The following BRINP2 variants were observed in gnomAD, a reference collection of about 807,000 sequenced individuals.
The protein encoded by BRINP2 is BMP/retinoic acid-inducible neural-specific protein 2.
In BRINP2, 21 loss-of-function variants were observed where a neutral mutation model predicts 69.2. That is an observed-to-expected ratio of 0.30 (90% confidence interval 0.22 to 0.44). The LOEUF is 0.44. BRINP2 is among the 20% of genes least tolerant of loss of function. The pLI is 1.00. For synonymous variants in BRINP2, 380 were observed against 394.1 expected (o/e 0.96, Z 0.42); for missense variants, 877 against 986.0 (o/e 0.89, Z 1.48).
At chr1:177,227,067 A>G (rs1270984564) in intron 1 of BRINP2, among the ~76,000 whole-genome samples, 1 of 152,202 alleles carries the variant, frequency 6.6e-6, no homozygotes, top group Non-Finnish European at 1.5e-5. Context: ...CTCTGCAGTC[A>G]TTGAATCGTA....
Position 177,176,512 on chromosome 1 carries a change from CATTATTATTATTATT to C in BRINP2, c.-77+4808_-77+4822del, listed in dbSNP as rs3041971. 3.8e-3 allele frequency among the ~76,000 whole-genome samples: 550 copies of C among 143,136 alleles called. 6 individuals carry two copies. The highest frequency in any genetic ancestry group is 0.011 in the African/African-American group (440 of 39,590). The allele number at this position is 143,136 out of a possible 152,430, so 93.9% of individuals were successfully genotyped here. On this transcript the variant is annotated intron_variant, in intron 1 of 7. Coordinates refer to ENST00000361539, the MANE Select transcript of BRINP2 (RefSeq NM_021165.4). ...AAGTTAAAATTATGTAAGTGGCTGGCATTATTATTATTATTATTATTATTATTATTATTATTATTA... is the reference window on the plus strand; with the variant it reads ...AAGTTAAAATTATGTAAGTGGCTGGCATTATTATTATTATTATTATTATTA...
intron 2 of BRINP2, among the ~76,000 whole-genome samples, chr1:177,254,024 C>A (rs1043744092): frequency 2.0e-5 from 3 of 151,954 alleles, no homozygotes; most frequent in Non-Finnish European, 4.4e-5. Flanking sequence ...ATTTGGGGGA[C>A]AATGGAAAAC....
At chr1:177,235,449 G>A (rs1342517545) in intron 2 of BRINP2, among the ~76,000 whole-genome samples, 1 of 152,166 alleles carries the variant, frequency 6.6e-6, no homozygotes, top group African/African-American at 2.4e-5. Context: ...CAAGACATAT[G>A]AACTCATAAG....
intron 6 of BRINP2, among the ~76,000 whole-genome samples, chr1:177,276,922 C>A (rs965335982): frequency 6.6e-6 from 1 of 151,254 alleles, no homozygotes; most frequent in African/African-American, 2.5e-5. Context: ...GTTTGACAAG[C>A]TTTATGACCT....
At chr1:177,207,202 T>G (rs1280618812) in intron 1 of BRINP2, among the ~76,000 whole-genome samples, 1 of 152,208 alleles carries the variant, frequency 6.6e-6, no homozygotes, top group Non-Finnish European at 1.5e-5. Context: ...GATTTACTAA[T>G]GGCCTTTGTA....
chr1:177,197,363 G>A (rs902083932), intron 1 of BRINP2, among the ~76,000 whole-genome samples: 3 of 152,140 alleles, frequency 2.0e-5, no homozygotes, highest in Admixed American at 6.5e-5. Context: ...CATTGATGAA[G>A]GAGCCGCCTG....
intron 1 of BRINP2, among the ~76,000 whole-genome samples, chr1:177,194,209 TG>T (rs1400187276): frequency 1.3e-5 from 2 of 152,208 alleles, no homozygotes; most frequent in African/African-American, 2.4e-5. Context: ...GGAGGCTTTT[TG>T]TTTTCTGTTT....
intron 7 of BRINP2, 29 bp from the exon 8 acceptor site, chr1:177,280,383 C>G (rs759929937): frequency 1.9e-5 from 30 of 1,558,140 alleles, no homozygotes; most frequent in Admixed American, 1.5e-4. Flanking sequence ...TCTTTTGACT[C>G]TTACTTCATT....
At chr1:177,214,789 A>G (rs1292568364) in intron 1 of BRINP2, among the ~76,000 whole-genome samples, 5 of 152,216 alleles carry the variant, frequency 3.3e-5, no homozygotes, top group Non-Finnish European at 7.3e-5. Context: ...TATTGACAAA[A>G]TATAGCTGTA....
At chr1:177,208,903 C>T (rs553596533) in intron 1 of BRINP2, among the ~76,000 whole-genome samples, 2 of 152,168 alleles carry the variant, frequency 1.3e-5, no homozygotes, top group Admixed American at 6.5e-5. Flanking sequence ...CAGAAATGTA[C>T]GTGATCAGGC....
intron 1 of BRINP2, among the ~76,000 whole-genome samples, chr1:177,202,835 T>C (rs1648956590): frequency 6.6e-6 from 1 of 152,200 alleles, no homozygotes; most frequent in East Asian, 1.9e-4. Context: ...CAACAGGTGC[T>C]GGAGAGGATG....
rs1008828342 is a variant in BRINP2, at chr1:177,200,346, A to G, written c.-77+28614A>G. Among the ~76,000 whole-genome samples the G allele has an allele frequency of 1.5e-4, 22 of 149,084 alleles. 1 individual carries two copies. On this transcript the variant is annotated intron_variant, in intron 1 of 7. Coordinates refer to ENST00000361539, the MANE Select transcript of BRINP2 (RefSeq NM_021165.4). ...AAGAATGCATTAATGCATTATCAAC[A>G]TAGCAGCCAGAGCAACATAGCAGCC...
chr1:177,267,996 T>C (rs1651180613), intron 4 of BRINP2, among the ~76,000 whole-genome samples: 1 of 152,182 alleles, frequency 6.6e-6, no homozygotes, highest in Non-Finnish European at 1.5e-5. Flanking sequence ...AAGAAAACCA[T>C]GAAAAAACAA....
chr1:177,190,317 G>A (rs1249644380), intron 1 of BRINP2, among the ~76,000 whole-genome samples: 1 of 152,260 alleles, frequency 6.6e-6, no homozygotes, highest in East Asian at 1.9e-4. Flanking sequence ...GGAGTTATGT[G>A]GCATTTAAAA....
chr1:177,236,984 T>A (rs992053335), intron 2 of BRINP2, among the ~76,000 whole-genome samples: 8 of 150,530 alleles, frequency 5.3e-5, no homozygotes, highest in Admixed American at 5.3e-4. Context: ...GTAAGTAAAA[T>A]GAAGTAAAAA....
rs879919041 is a variant in BRINP2, at chr1:177,270,084, G to GGT, written c.670-3403_670-3402insTG. ...TTTCCTCACTTTGGGGCAAGGGGTG[G>GGT]GGGGGGTGGTTCTCAAGCTATTCTG... On this transcript the variant is annotated intron_variant, in intron 4 of 7. Transcript: ENST00000361539. 2.7e-4 allele frequency among the ~76,000 whole-genome samples: 37 copies of GGT among 138,618 alleles called. No homozygotes were observed. In the East Asian group the frequency reaches 4.3e-3, roughly 16 times the overall value. 90.9% of individuals were successfully genotyped at this position (138,618 alleles called of 152,430 possible). A position where few individuals can be genotyped will look rare whatever the true frequency, so the allele number is the denominator to read the frequency against.
intron 1 of BRINP2, among the ~76,000 whole-genome samples, chr1:177,220,498 C>T (rs1302102298): frequency 6.6e-6 from 1 of 152,144 alleles, no homozygotes; most frequent in Non-Finnish European, 1.5e-5. Context: ...GTACCCCCTT[C>T]ACCTTCTGCC....
rs6696506 is a variant in BRINP2 at position 177,183,733 on chromosome 1, T to C, written c.-77+12001T>C. ...GATGGTGCAAAGGATACTGACGTGG[T>C]GAACCATCATATTAAACTTACCCTG... On this transcript the variant is annotated intron_variant, in intron 1 of 7. Coordinates refer to ENST00000361539, the MANE Select transcript of BRINP2 (RefSeq NM_021165.4). Among the ~76,000 whole-genome samples, 1,264 of 152,314 alleles carry C rather than the reference T, an allele frequency of 8.3e-3. 18 individuals carry two copies. Among genetic ancestry groups the C allele is most frequent in the African/African-American group, 0.028 (1,151 of 41,562 alleles).
intron 1 of BRINP2, among the ~76,000 whole-genome samples, chr1:177,183,243 A>G (rs975891765): frequency 1.4e-5 from 2 of 142,790 alleles, no homozygotes; most frequent in African/African-American, 5.2e-5. Flanking sequence ...AAAAGACTTC[A>G]TGTATTTTGG....
Sources: gnomAD v4.1 joint callset for allele counts (sites outside exome capture counted in the v4.1 genomes callset) on GRCh38, gnomAD v4.1.1 for gene constraint, MANE v1.5 for transcripts, NCBI Gene and HGNC (gene_info 2026-07-23, HGNC 2026-07-21) for gene names.